The following MAP4K3 variants were observed in gnomAD, a reference collection of about 807,000 sequenced individuals.
The protein encoded by MAP4K3 is MAPK/ERK kinase kinase kinase 3.
In MAP4K3, 94 loss-of-function variants were observed where a neutral mutation model predicts 143.5. The observed-to-expected ratio is 0.65, with a 90% CI of 0.55 to 0.78. The LOEUF is 0.78. Among genes scored for constraint, MAP4K3 ranks in the 30% least tolerant of loss-of-function variants. The pLI is 0.00. For synonymous variants in MAP4K3, 416 were observed against 347.2 expected, an observed-to-expected ratio of 1.20 and a Z score of -2.20; for missense variants, 1,077 against 1,068.1, an observed-to-expected ratio of 1.01 and a Z score of -0.12.
At chr2:39,346,009 T>C (rs1192481711) in intron 3 of MAP4K3, among the ~76,000 whole-genome samples, 1 of 143,728 alleles carries the variant, frequency 7.0e-6, no homozygotes, top group African/African-American at 2.6e-5. Context: ...GTGGTTCACA[T>C]AACAATGAAA....
chr2:39,293,644 T>A (rs985808767), intron 16 of MAP4K3, among the ~76,000 whole-genome samples: 1 of 152,240 alleles, frequency 6.6e-6, no homozygotes, highest in Non-Finnish European at 1.5e-5. Flanking sequence ...TGGAATTTTA[T>A]ACCTGACACC....
In MAP4K3 at chr2:39,258,582, G is replaced by T. The variant is rs370055571; in HGVS notation, c.2314C>A (p.Pro772Thr). 8.1e-6 allele frequency: 13 copies of T among 1,612,044 alleles called. No homozygotes were observed. In the African/African-American group the frequency reaches 1.6e-4, roughly 20 times the overall value. The stretch of plus-strand genomic sequence containing the variant: ...GTTACATGAGTAACATTTGTCTGTG[G>T]GGTATCTACAATACAAACAAATTTT... ...TSSWFTESDT[P>T]QTNVTHVTQL... The change falls in exon 30 of 34, where the codon CCA (proline) becomes ACA (threonine). Residue 772 changes from proline to threonine, a missense_variant. This residue lies in a region of MAP4K3 where 864 missense variants were observed against 801.2 expected (regional missense o/e 1.08). Coordinates refer to ENST00000263881, the MANE Select transcript of MAP4K3 (RefSeq NM_003618.4).
At chr2:39,403,794 C>A (rs534048755) in intron 1 of MAP4K3, among the ~76,000 whole-genome samples, 1 of 151,010 alleles carries the variant, frequency 6.6e-6, no homozygotes, top group African/African-American at 2.4e-5. Context: ...CCTCCCCTAA[C>A]CCCAGCTAGT....
intron 1 of MAP4K3, among the ~76,000 whole-genome samples, chr2:39,417,508 G>T (rs1010446720): frequency 5.3e-5 from 8 of 151,682 alleles, no homozygotes; most frequent in Admixed American, 3.9e-4. Context: ...GTGAGCCACC[G>T]CACCCGCCCG....
At chr2:39,320,200 G>C (rs556617792) in intron 12 of MAP4K3, among the ~76,000 whole-genome samples, 18 of 152,280 alleles carry the variant, frequency 1.2e-4, no homozygotes, top group African/African-American at 4.3e-4. Context: ...CAAAAATTAA[G>C]TATTTCAATA....
At chr2:39,301,590 G>T (rs1272424446) in intron 15 of MAP4K3, among the ~76,000 whole-genome samples, 1 of 152,116 alleles carries the variant, frequency 6.6e-6, no homozygotes, top group South Asian at 2.1e-4. Flanking sequence ...CATTCGTGTG[G>T]AATGGCCATG....
chr2:39,297,814 C>A (rs1169686968), intron 16 of MAP4K3, among the ~76,000 whole-genome samples: 3 of 152,208 alleles, frequency 2.0e-5, no homozygotes, highest in Non-Finnish European at 4.4e-5. Flanking sequence ...GCCAACCTAC[C>A]TTGCCAAGGG....
intron 1 of MAP4K3, among the ~76,000 whole-genome samples, chr2:39,403,872 A>C (rs1667020658): frequency 6.6e-6 from 1 of 151,148 alleles, no homozygotes; most frequent in Non-Finnish European, 1.5e-5. Flanking sequence ...TCTAACCTGC[A>C]TCTTGGATAC....
chr2:39,434,234 TTC>T (rs1248285158), intron 1 of MAP4K3, among the ~76,000 whole-genome samples: 1 of 152,168 alleles, frequency 6.6e-6, no homozygotes, highest in Non-Finnish European at 1.5e-5. Flanking sequence ...CAAAATGTAC[TTC>T]TCTCTAGCAC....
chr2:39,310,663 C>T (rs779047626), intron 13 of MAP4K3, among the ~76,000 whole-genome samples: 22 of 152,162 alleles, frequency 1.4e-4, no homozygotes, highest in African/African-American at 2.9e-4. Context: ...AACCTCCATA[C>T]TGTTTACCAT....
intron 1 of MAP4K3, among the ~76,000 whole-genome samples, chr2:39,387,117 G>A (rs1220687287): frequency 4.6e-5 from 7 of 151,998 alleles, no homozygotes; most frequent in Non-Finnish European, 1.0e-4. Flanking sequence ...ACGCCCGGCC[G>A]ATTATTGTAG....
At chr2:39,349,160 C>CA (rs1251220266) in intron 3 of MAP4K3, among the ~76,000 whole-genome samples, 1 of 152,072 alleles carries the variant, frequency 6.6e-6, no homozygotes, top group African/African-American at 2.4e-5. Flanking sequence ...CTATATTCAG[C>CA]AAAATAATTC....
Position 39,336,958 on chromosome 2 carries a change from A to C in MAP4K3, c.376T>G (p.Tyr126Asp). 1.5e-6 allele frequency: 2 copies of C among 1,347,572 alleles called. No homozygotes were observed. The highest frequency in any genetic ancestry group is 2.1e-6 in the Non-Finnish European group (2 of 965,380). 83.5% of individuals were successfully genotyped at this position (1,347,572 alleles called of 1,614,324 possible). Residue 126 changes from tyrosine to aspartate, a missense_variant, in exon 6 of 34, where the codon TAT becomes GAT. Tyr to Asp is a radical substitution (Grantham distance 160, BLOSUM62 -3). This residue lies in a region of MAP4K3 where 213 missense variants were observed against 266.8 expected (regional missense o/e 0.80). Transcript: ENST00000263881. ...TGCATTTTTCCTTTACTGTGAAGAT[A>C]ATATAATCCCTGGAGTTTCAAAAAA... ...VSRETLQGLY[Y>D]LHSKGKMHRD...
At chr2:39,318,086 T>A (rs983557503) in intron 12 of MAP4K3, among the ~76,000 whole-genome samples, 2 of 152,098 alleles carry the variant, frequency 1.3e-5, no homozygotes, top group African/African-American at 4.8e-5. Flanking sequence ...CGAGATAGTG[T>A]CCTCTGCAGC....
intron 1 of MAP4K3, among the ~76,000 whole-genome samples, chr2:39,400,519 CT>C (rs1407406979): frequency 2.6e-5 from 4 of 151,820 alleles, no homozygotes; most frequent in African/African-American, 9.7e-5. Context: ...TTGTTCCCCC[CT>C]CTCTTTCTTC....
intron 1 of MAP4K3, among the ~76,000 whole-genome samples, chr2:39,414,197 C>G (rs1316785137): frequency 6.6e-6 from 1 of 152,066 alleles, no homozygotes; most frequent in African/African-American, 2.4e-5. Context: ...CCATCAAAAG[C>G]CAAAATGAGA....
intron 4 of MAP4K3, among the ~76,000 whole-genome samples, chr2:39,342,294 A>G (rs1002881481): frequency 1.3e-5 from 2 of 152,008 alleles, no homozygotes; most frequent in African/African-American, 4.8e-5. Flanking sequence ...ACCCACCATC[A>G]TGCCCAGCTA....
chr2:39,265,359 C>G, intron 27 of MAP4K3, 53 bp from the exon 28 acceptor site: 1 of 1,030,152 alleles, frequency 9.7e-7, no homozygotes, highest in Non-Finnish European at 1.5e-6. Context: ...GTCATTATGA[C>G]AATAATTGCA....
chr2:39,290,750 T>C (rs1682008931), intron 18 of MAP4K3, among the ~76,000 whole-genome samples: 1 of 152,154 alleles, frequency 6.6e-6, no homozygotes. Context: ...ATTACTACTC[T>C]CTTATACCAC....
Sources: allele counts gnomAD v4.1 joint callset (sites outside exome capture counted in the v4.1 genomes callset), GRCh38; gene constraint gnomAD v4.1.1; regional missense constraint gnomAD v4.1.1; transcripts MANE v1.5; gene names NCBI Gene and HGNC (gene_info 2026-07-23, HGNC 2026-07-21).